The following SERPINE2 variants were observed in gnomAD, a reference collection of about 807,000 sequenced individuals.
SERPINE2 encodes the protein glia-derived nexin.
In SERPINE2, 14 loss-of-function variants were observed where a neutral mutation model predicts 36.3. The ratio of observed to expected loss-of-function variants is 0.39; its 90% CI spans 0.25 to 0.60. The LOEUF (loss-of-function observed/expected upper bound fraction) is 0.60, where lower values mean the gene tolerates loss of function less well. Ranked by LOEUF, SERPINE2 falls within the 20% of genes least tolerant of loss-of-function variation. The pLI is 0.57. For synonymous variants in SERPINE2, 192 were observed against 191.8 expected (o/e 1.00, Z -0.01); for missense variants, 418 against 499.6 (o/e 0.84, Z 1.56).
At chr2:223,985,076 G>A (rs532323506) in intron 4 of SERPINE2, 126 bp from the exon 5 acceptor site, 2 of 718,024 alleles carry the variant, frequency 2.8e-6, no homozygotes, top group Admixed American at 4.9e-5. Flanking sequence ...TCCACAAATA[G>A]CTTCCTTAGA....
At chr2:224,011,288 C>G (rs916107291) in intron 1 of SERPINE2, among the ~76,000 whole-genome samples, 5 of 152,080 alleles carry the variant, frequency 3.3e-5, no homozygotes, top group Admixed American at 3.3e-4. Context: ...AAGGAAGTAC[C>G]TTTTTAATTT....
At chr2:223,996,507 C>T (rs1009933846) in intron 3 of SERPINE2, among the ~76,000 whole-genome samples, 2 of 152,188 alleles carry the variant, frequency 1.3e-5, no homozygotes. Flanking sequence ...CTTTGTCCAC[C>T]TCTTCACTAG....
chr2:224,024,270 A>T (rs1251896032), intron 1 of SERPINE2, among the ~76,000 whole-genome samples: 2 of 152,150 alleles, frequency 1.3e-5, no homozygotes, highest in Non-Finnish European at 2.9e-5. Flanking sequence ...TCTCAAAAAA[A>T]TTTTGTAAAA....
intron 1 of SERPINE2, among the ~76,000 whole-genome samples, chr2:224,032,708 C>G (rs529472523): frequency 8.8e-6 from 1 of 114,232 alleles, no homozygotes; most frequent in East Asian, 3.7e-4. Flanking sequence ...TAATGTCTTA[C>G]GTCAAACTGT....
intron 6 of SERPINE2, 116 bp downstream of exon 6, chr2:223,982,565 C>A: frequency 1.7e-6 from 1 of 573,262 alleles, no homozygotes; most frequent in Admixed American, 3.5e-5. Flanking sequence ...TCAAATGAAA[C>A]CTTGTACAGT....
At chr2:224,005,429 C>T (rs1362687004) in intron 1 of SERPINE2, among the ~76,000 whole-genome samples, 1 of 152,058 alleles carries the variant, frequency 6.6e-6, no homozygotes, top group Non-Finnish European at 1.5e-5. Flanking sequence ...TCTCCTTGGC[C>T]TTGGTTTCCT....
At chr2:223,981,656 G>T (rs1690230701) in intron 6 of SERPINE2, 3 of 152,192 alleles carry the variant, frequency 2.0e-5, no homozygotes, top group Non-Finnish European at 4.4e-5. Flanking sequence ...TTGCAAACTG[G>T]AGTGCAAATA....
chr2:224,011,844 T>C (rs924788885), intron 1 of SERPINE2, among the ~76,000 whole-genome samples: 1 of 152,242 alleles, frequency 6.6e-6, no homozygotes, highest in African/African-American at 2.4e-5. Context: ...CAATAAATAA[T>C]TGCAATAGCA....
At chr2:223,995,718 A>C (rs1428396098) in intron 3 of SERPINE2, among the ~76,000 whole-genome samples, 1 of 152,238 alleles carries the variant, frequency 6.6e-6, no homozygotes, top group Non-Finnish European at 1.5e-5. Flanking sequence ...TGTTTTGTTC[A>C]GAAATTTATC....
chr2:224,032,324 A>AT (rs142042162), intron 1 of SERPINE2, among the ~76,000 whole-genome samples: 3,416 of 152,240 alleles, frequency 0.022, 109 homozygotes, highest in African/African-American at 0.072. Flanking sequence ...CACCTTCAAG[A>AT]TTTGGCCCAT....
At position 223,977,706 on chromosome 2, in the gene SERPINE2, C is replaced by T. The variant is rs1690065600; in HGVS notation, c.1073-79G>A. The T allele has an allele frequency of 5.5e-6, 5 of 910,886 alleles. No homozygotes were observed. In the Admixed American group the frequency reaches 8.6e-5, roughly 16 times the overall value. The allele number at this position is 910,886 out of a possible 1,614,324, so 56.4% of individuals were successfully genotyped here. ...ATAAGGCCAGCAAGTTAGCTAGCTT[C>T]ATGGACCCTCAGAGGCTGGTGTCTG... On this transcript the variant is annotated intron_variant, in intron 7 of 8. Coordinates refer to ENST00000409304, the MANE Select transcript of SERPINE2 (RefSeq NM_001136528.2).
intron 1 of SERPINE2, 54 bp from the exon 2 acceptor site, chr2:224,001,976 AC>A: frequency 7.1e-7 from 1 of 1,412,620 alleles, no homozygotes; most frequent in South Asian, 1.5e-5. Context: ...GTACTTTACT[AC>A]TTTTTTTTTT....
chr2:224,030,612 C>T (rs1692331180), intron 1 of SERPINE2: 1 of 152,328 alleles, frequency 6.6e-6, no homozygotes, highest in African/African-American at 2.4e-5. Flanking sequence ...TAGATTCAAA[C>T]CAAAGCCCGC....
At chr2:223,980,064 A>C in intron 7 of SERPINE2, 1 of 391,212 alleles carries the variant, frequency 2.6e-6, no homozygotes, top group Non-Finnish European at 4.7e-6. Flanking sequence ...TCTTTATAGA[A>C]GTTTGCTGAC....
Position 223,992,007 on chromosome 2 carries a change from A to C in SERPINE2, c.488-7T>G. 1 of 1,613,514 alleles carries C rather than the reference A, an allele frequency of 6.2e-7. No homozygotes were observed. The highest frequency in any genetic ancestry group is 8.5e-7 in the Non-Finnish European group (1 of 1,179,718). Reference sequence around the variant, plus strand: ...AGCAGATTGTCAATCATATCTGTGAAGCCAAAGAACAAACAAGGGAAAAAT... The same window carrying C: ...AGCAGATTGTCAATCATATCTGTGACGCCAAAGAACAAACAAGGGAAAAAT... On this transcript the variant is annotated splice_region_variant and splice_polypyrimidine_tract_variant and intron_variant, in intron 3 of 8. Transcript: ENST00000409304.
At position 224,038,739 on chromosome 2, in the gene SERPINE2, A is replaced by AGGGCCGGCTCGGATGGCCGGGCAGGAGCC. The variant is rs1692612129; in HGVS notation, c.-23+331_-23+359dup. 5.3e-6 allele frequency: 3 copies of AGGGCCGGCTCGGATGGCCGGGCAGGAGCC among 566,446 alleles called. No individual in the cohort carries two copies. In the African/African-American group the frequency reaches 5.7e-5, roughly 11 times the overall value. 35.1% of individuals were successfully genotyped at this position (566,446 alleles called of 1,614,324 possible). On this transcript the variant is annotated intron_variant, in intron 1 of 8. Coordinates refer to ENST00000409304, the MANE Select transcript of SERPINE2 (RefSeq NM_001136528.2). Reference sequence around the variant, plus strand: ...AGCTGGAAACCTCAGGTTCAGGGTCAGGGCCGGCTCGGATGGCCGGGCAGG... The same window carrying AGGGCCGGCTCGGATGGCCGGGCAGGAGCC: ...AGCTGGAAACCTCAGGTTCAGGGTCAGGGCCGGCTCGGATGGCCGGGCAGGAGCCGGGCCGGCTCGGATGGCCGGGCAGG...
At position 224,031,633 on chromosome 2, in the gene SERPINE2, T is replaced by C. The variant is rs540416379; in HGVS notation, c.-23+7466A>G. Among the ~76,000 whole-genome samples the C allele has an allele frequency of 9.2e-5, 14 of 152,240 alleles. No homozygotes were observed. The South Asian group carries it at 1.9e-3, about 20-fold the overall frequency. Reference sequence around the variant, plus strand: ...AGCCATTGGTATCGGGACGAGCATGTGACCATGTGACTTAGCATCAGCCAA... The same window carrying C: ...AGCCATTGGTATCGGGACGAGCATGCGACCATGTGACTTAGCATCAGCCAA... On this transcript the variant is annotated intron_variant, in intron 1 of 8. Coordinates refer to ENST00000409304, the MANE Select transcript of SERPINE2 (RefSeq NM_001136528.2).
chr2:224,003,379 G>C (rs141873191), intron 1 of SERPINE2, among the ~76,000 whole-genome samples: 45 of 152,328 alleles, frequency 3.0e-4, no homozygotes, highest in African/African-American at 1.0e-3. Flanking sequence ...AAACAAGGGA[G>C]TGAATCCCTC....
intron 1 of SERPINE2, among the ~76,000 whole-genome samples, chr2:224,012,012 G>C (rs1284777279): frequency 6.6e-6 from 1 of 152,100 alleles, no homozygotes; most frequent in Non-Finnish European, 1.5e-5. Flanking sequence ...CCACTTTCTT[G>C]GTTGGCCCTA....
Sources: allele counts gnomAD v4.1 joint callset (sites outside exome capture counted in the v4.1 genomes callset), GRCh38; gene constraint gnomAD v4.1.1; transcripts MANE v1.5; gene names NCBI Gene and HGNC (gene_info 2026-07-23, HGNC 2026-07-21).